FDFT1: variants seen among roughly 807,000 people sequenced by gnomAD.
FDFT1 encodes the protein farnesyl-diphosphate farnesyltransferase 1, also known as squalene synthase.
Under a neutral mutation model 46.8 loss-of-function variants are expected in FDFT1, and 68 were observed. The observed-to-expected ratio is 1.45, with a 90% CI of 1.19 to 1.78. The LOEUF is 1.78. Ranked by LOEUF, FDFT1 falls within the 40% of genes most tolerant of loss-of-function variation. The probability of loss-of-function intolerance (pLI) is 0.00; values close to 1 mark genes in which losing one functional copy is unlikely to be tolerated. For missense variants in FDFT1, 928 were observed against 524.4 expected (o/e 1.77, Z -7.52); for synonymous variants, 351 against 185.1 (o/e 1.90, Z -7.28).
intron 1 of FDFT1, chr8:11,808,237 G>T (rs1432018330): frequency 8.4e-7 from 1 of 1,193,452 alleles, no homozygotes; most frequent in East Asian, 3.5e-5. Context: ...GTAGAGTTTG[G>T]TCTAGGGAGA....
chr8:11,838,000 G>A (rs993084537), intron 7 of FDFT1, among the ~76,000 whole-genome samples: 2 of 152,116 alleles, frequency 1.3e-5, no homozygotes, highest in Non-Finnish European at 2.9e-5. Context: ...AGCTGCTTTT[G>A]CCCAGTCTTT....
At chr8:11,805,953 A>T (rs1246051527) in intron 1 of FDFT1, among the ~76,000 whole-genome samples, 1 of 152,314 alleles carries the variant, frequency 6.6e-6, no homozygotes, top group Non-Finnish European at 1.5e-5. Context: ...GCATGGAGTT[A>T]AGTGCTTGAT....
chr8:11,830,385 A>G lies in FDFT1; in HGVS notation c.844A>G (p.Asn282Asp), dbSNP rs767233482. 3 of 1,613,710 alleles carry G rather than the reference A, an allele frequency of 1.9e-6. No homozygotes were observed. The African/African-American group carries it at 4.0e-5, about 22-fold the overall frequency. Residue 282 changes from asparagine (N) to aspartate (D), a missense_variant, in exon 6 of 8, where the codon AAC (asparagine) becomes GAC (aspartate). By Grantham distance (23) the Asn-to-Asp change is conservative. Transcript: ENST00000220584. ...CATCACCTACCTTTCGAGACTCAGAAACCAGAGTGTGTTTAACTTCTGTGC... is the reference window on the plus strand; with the variant it reads ...CATCACCTACCTTTCGAGACTCAGAGACCAGAGTGTGTTTAACTTCTGTGC... ...DVITYLSRLR[N>D]QSVFNFCAIP...
At chr8:11,824,177 C>G (rs537413602) in intron 4 of FDFT1, among the ~76,000 whole-genome samples, 1 of 152,142 alleles carries the variant, frequency 6.6e-6, no homozygotes, top group Non-Finnish European at 1.5e-5. Flanking sequence ...TTTACCCTTC[C>G]TAATGACACT....
intron 5 of FDFT1, among the ~76,000 whole-genome samples, chr8:11,827,457 G>T (rs1810157261): frequency 6.8e-6 from 1 of 148,074 alleles, no homozygotes; most frequent in Non-Finnish European, 1.5e-5. Context: ...GCTCAAGGTT[G>T]GATTGAGTTG....
chr8:11,805,986 T>G (rs1806778001), intron 1 of FDFT1, among the ~76,000 whole-genome samples: 1 of 152,152 alleles, frequency 6.6e-6, no homozygotes, highest in Non-Finnish European at 1.5e-5. Context: ...TCAATCTGAT[T>G]ATGTAAATTT....
intron 7 of FDFT1, among the ~76,000 whole-genome samples, chr8:11,836,180 C>G (rs977346857): frequency 4.0e-5 from 6 of 151,430 alleles, no homozygotes; most frequent in African/African-American, 1.2e-4. Context: ...TACAATATAC[C>G]AAAACCATTA....
At chr8:11,834,682 T>G (rs1278007816) in intron 7 of FDFT1, among the ~76,000 whole-genome samples, 3 of 152,262 alleles carry the variant, frequency 2.0e-5, no homozygotes, top group Non-Finnish European at 4.4e-5. Context: ...TTTTAAATGA[T>G]GATCAAGCTG....
chr8:11,801,727 TC>T (rs1806136928), upstream of FDFT1: 1 of 317,894 alleles, frequency 3.1e-6, no homozygotes, highest in Non-Finnish European at 6.1e-6. Context: ...GTAGTCTTGC[TC>T]TGTTGGCCTG....
At chr8:11,821,722 T>A (rs1352906860) in intron 3 of FDFT1, 28 bp from the exon 4 acceptor site, 1 of 1,610,686 alleles carries the variant, frequency 6.2e-7, no homozygotes, top group African/African-American at 1.3e-5. Flanking sequence ...ATTTCATGAT[T>A]TCTGTGTTTT....
chr8:11,809,133 CTTT>C (rs1352150585), intron 2 of FDFT1: 27 of 1,319,894 alleles, frequency 2.0e-5, no homozygotes, highest in Admixed American at 3.5e-5. Flanking sequence ...TGTTTATTAA[CTTT>C]TTTTAGTCTT....
At chr8:11,828,119 T>A (rs1262748042) in intron 5 of FDFT1, among the ~76,000 whole-genome samples, 1 of 146,574 alleles carries the variant, frequency 6.8e-6, no homozygotes, top group African/African-American at 2.5e-5. Flanking sequence ...AGACTCCATT[T>A]AAAAAAAAAA....
At chr8:11,818,413 C>G (rs941535475) in intron 3 of FDFT1, among the ~76,000 whole-genome samples, 1 of 152,138 alleles carries the variant, frequency 6.6e-6, no homozygotes, top group Non-Finnish European at 1.5e-5. Context: ...TCCTGGATAT[C>G]CTTGTTAACC....
intron 3 of FDFT1, among the ~76,000 whole-genome samples, chr8:11,810,982 C>A (rs143598207): frequency 6.8e-6 from 1 of 147,444 alleles, no homozygotes; most frequent in Non-Finnish European, 1.5e-5. Flanking sequence ...AAGACTCTTG[C>A]GGTGCAAAGG....
At chr8:11,805,225 C>T (rs1806678410) in intron 1 of FDFT1, among the ~76,000 whole-genome samples, 1 of 152,180 alleles carries the variant, frequency 6.6e-6, no homozygotes, top group Non-Finnish European at 1.5e-5. Context: ...CAGTTTCTCT[C>T]TGCAAACTAG....
At chr8:11,813,678 G>A (rs192279536) in intron 3 of FDFT1, among the ~76,000 whole-genome samples, 1 of 152,280 alleles carries the variant, frequency 6.6e-6, no homozygotes, top group Non-Finnish European at 1.5e-5. Flanking sequence ...CTCTATGTGG[G>A]ATTTGGCCTT....
chr8:11,826,865 G>A (rs1189815862), intron 5 of FDFT1, among the ~76,000 whole-genome samples: 1 of 152,136 alleles, frequency 6.6e-6, no homozygotes, highest in Non-Finnish European at 1.5e-5. Context: ...ATCAGTTACT[G>A]TTGCTACACA....
intron 7 of FDFT1, among the ~76,000 whole-genome samples, chr8:11,837,401 T>C (rs1811695706): frequency 6.6e-6 from 1 of 152,118 alleles, no homozygotes; most frequent in Non-Finnish European, 1.5e-5. Flanking sequence ...CCGGCTAATT[T>C]TTGTACATTT....
In FDFT1 at chr8:11,832,938, T is replaced by A. The variant is rs528864058; in HGVS notation, c.1032+1268T>A. ...GTTACGCGTTTACAGGAATATGGTT[T>A]GCAACAGTGTTTTCATCTAAATAGA... On this transcript the variant is annotated intron_variant, in intron 7 of 7. Transcript: ENST00000220584. Among the ~76,000 whole-genome samples the A allele has an allele frequency of 2.3e-4, 35 of 152,336 alleles. 1 individual carries two copies. Among genetic ancestry groups the A allele is most frequent in the African/African-American group, 8.4e-4 (35 of 41,564 alleles).
Sources: gnomAD v4.1 joint callset for allele counts (sites outside exome capture counted in the v4.1 genomes callset) on GRCh38, gnomAD v4.1.1 for gene constraint, MANE v1.5 for transcripts, NCBI Gene and HGNC (gene_info 2026-07-23, HGNC 2026-07-21) for gene names.